TPST1: variants seen among roughly 807,000 people sequenced by gnomAD.
TPST1 encodes tyrosylprotein sulfotransferase 1.
Under a neutral mutation model 34.8 loss-of-function variants are expected in TPST1, and 20 were observed. The observed-to-expected ratio is 0.57, with a 90% CI of 0.40 to 0.84. TPST1 has a LOEUF of 0.84. TPST1 is among the 40% of genes least tolerant of loss of function. The pLI is 0.00. For missense variants in TPST1, 353 were observed against 455.5 expected (o/e 0.78, Z 2.05); for synonymous variants, 152 against 159.4 (o/e 0.95, Z 0.35).
chr7:66,329,102 G>A (rs1206403805), intron 3 of TPST1, among the ~76,000 whole-genome samples: 1 of 150,206 alleles, frequency 6.7e-6, no homozygotes, highest in East Asian at 2.0e-4. Flanking sequence ...TTGTAGAGAC[G>A]AGGCTTCTCC....
chr7:66,268,972 C>T (rs1010939502), intron 2 of TPST1, among the ~76,000 whole-genome samples: 4 of 152,190 alleles, frequency 2.6e-5, no homozygotes, highest in Admixed American at 2.6e-4. Context: ...GCGTGAGCCA[C>T]CACGCCCGGC....
At chr7:66,296,771 G>A (rs1377017885) in intron 3 of TPST1, among the ~76,000 whole-genome samples, 1 of 144,110 alleles carries the variant, frequency 6.9e-6, no homozygotes, top group Non-Finnish European at 1.5e-5. Context: ...ATATTGAATG[G>A]ATAATCATGC....
chr7:66,318,201 A>G (rs1452245339), intron 3 of TPST1, among the ~76,000 whole-genome samples: 1 of 152,022 alleles, frequency 6.6e-6, no homozygotes, highest in Non-Finnish European at 1.5e-5. Context: ...TTCAAACTCT[A>G]CTTGATAAAG....
intron 1 of TPST1, among the ~76,000 whole-genome samples, chr7:66,239,554 G>T (rs1178322016): frequency 6.6e-6 from 1 of 152,146 alleles, no homozygotes; most frequent in African/African-American, 2.4e-5. Flanking sequence ...CTCTGTTAAA[G>T]ATTTGGAAGT....
At chr7:66,276,418 G>A (rs1233816708) in intron 2 of TPST1, among the ~76,000 whole-genome samples, 2 of 109,708 alleles carry the variant, frequency 1.8e-5, no homozygotes, top group Admixed American at 9.3e-5. Flanking sequence ...TTGTCTCCCA[G>A]GCTGGAGTGC....
rs528580358 is a variant in TPST1, at chr7:66,264,720, A to G, written c.846-21791A>G. On this transcript the variant is annotated intron_variant, in intron 2 of 5. Coordinates refer to ENST00000304842, the MANE Select transcript of TPST1 (RefSeq NM_003596.4). ...ATCTGATTCCCAGAGTTGCCACATT[A>G]TAAGATTTAAAATGTCTAGTGTTTA... is the stretch of plus-strand genomic sequence containing the variant. Among the ~76,000 whole-genome samples, 142 of 152,356 alleles carry G rather than the reference A, an allele frequency of 9.3e-4. 1 individual carries two copies. Among genetic ancestry groups the G allele is most frequent in the African/African-American group, 3.3e-3 (138 of 41,584 alleles).
chr7:66,208,246 A>G (rs1286995134), intron 1 of TPST1, among the ~76,000 whole-genome samples: 1 of 152,212 alleles, frequency 6.6e-6, no homozygotes, highest in East Asian at 1.9e-4. Context: ...AAAAAGCAGT[A>G]AAGAAACAGA....
At chr7:66,251,233 G>A (rs1790255793) in intron 2 of TPST1, among the ~76,000 whole-genome samples, 1 of 152,094 alleles carries the variant, frequency 6.6e-6, no homozygotes, top group African/African-American at 2.4e-5. Context: ...AATGTTACCT[G>A]TTGTCTTTAT....
intron 1 of TPST1, among the ~76,000 whole-genome samples, chr7:66,237,395 T>C (rs1279462591): frequency 6.6e-6 from 1 of 152,218 alleles, no homozygotes; most frequent in East Asian, 1.9e-4. Context: ...TCCAGAGCAC[T>C]GAAAGGGTTG....
chr7:66,217,667 C>G (rs191333154), intron 1 of TPST1, among the ~76,000 whole-genome samples: 50 of 151,530 alleles, frequency 3.3e-4, no homozygotes, highest in African/African-American at 1.1e-3. Context: ...GTGATCTCGG[C>G]TCTGCCTCCT....
chr7:66,352,690 A>G, intron 4 of TPST1, 135 bp downstream of exon 4: 1 of 1,504,722 alleles, frequency 6.6e-7, no homozygotes, highest in Non-Finnish European at 8.8e-7. Context: ...GGATAGTGAT[A>G]TGTGCTGGGG....
intron 2 of TPST1, among the ~76,000 whole-genome samples, chr7:66,256,546 T>G (rs1790387131): frequency 6.6e-6 from 1 of 152,208 alleles, no homozygotes; most frequent in Non-Finnish European, 1.5e-5. Context: ...TCTTGCTGTG[T>G]GTTTCTGTAT....
chr7:66,316,268 TTA>T (rs1791631581), intron 3 of TPST1, among the ~76,000 whole-genome samples: 2 of 152,218 alleles, frequency 1.3e-5, no homozygotes, highest in Admixed American at 6.5e-5. Context: ...CCTTTCTGAC[TTA>T]AATATAATAT....
intron 2 of TPST1, among the ~76,000 whole-genome samples, chr7:66,280,196 C>T (rs961470075): frequency 1.3e-5 from 2 of 152,234 alleles, no homozygotes; most frequent in African/African-American, 2.4e-5. Flanking sequence ...TGGTCATTTT[C>T]TTTCCAGAGC....
chr7:66,214,989 CTATA>C lies in TPST1; in HGVS notation c.-102+9470_-102+9473del, dbSNP rs940433081. Among the ~76,000 whole-genome samples the C allele has an allele frequency of 5.5e-5, 8 of 145,858 alleles. No individual in the cohort carries two copies. The South Asian group carries it at 1.5e-3, about 27-fold the overall frequency. ...ATAATTTATAAGATATATGCATTAA[CTATA>C]TAAATATTAATATGTTTTAAATATA... On this transcript the variant is annotated intron_variant, in intron 1 of 5. Transcript: ENST00000304842.
At chr7:66,242,484 C>T (rs1394356947) in intron 2 of TPST1, among the ~76,000 whole-genome samples, 2 of 152,050 alleles carry the variant, frequency 1.3e-5, no homozygotes, top group East Asian at 1.9e-4. Context: ...CCTGCCTGTA[C>T]CAAGCTTTCA....
At chr7:66,225,020 C>T (rs562010615) in intron 1 of TPST1, among the ~76,000 whole-genome samples, 3 of 145,752 alleles carry the variant, frequency 2.1e-5, no homozygotes, top group African/African-American at 7.7e-5. Context: ...TGGGTTCAAG[C>T]GATTCTCAAG....
At chr7:66,237,268 C>T (rs1789930402) in intron 1 of TPST1, among the ~76,000 whole-genome samples, 1 of 152,228 alleles carries the variant, frequency 6.6e-6, no homozygotes, top group African/African-American at 2.4e-5. Flanking sequence ...TCTGTACCTA[C>T]TGAATGAGTA....
At chr7:66,244,730 C>G (rs1336342941) in intron 2 of TPST1, among the ~76,000 whole-genome samples, 1 of 152,042 alleles carries the variant, frequency 6.6e-6, no homozygotes, top group Non-Finnish European at 1.5e-5. Context: ...TTACGTGGAA[C>G]AAATAAAAGT....
Sources: allele counts gnomAD v4.1 joint callset (sites outside exome capture counted in the v4.1 genomes callset), GRCh38; gene constraint gnomAD v4.1.1; transcripts MANE v1.5; gene names NCBI Gene and HGNC (gene_info 2026-07-23, HGNC 2026-07-21).